CSMD1: variants seen among roughly 807,000 people sequenced by gnomAD.
CSMD1 encodes the protein CUB and sushi domain-containing protein 1.
CSMD1 carries 213 observed loss-of-function variants against 417.5 expected under a neutral mutation model. That is an observed-to-expected ratio of 0.51 (90% CI 0.46 to 0.57). CSMD1 has a LOEUF of 0.57. Among genes scored for constraint, CSMD1 ranks in the 20% least tolerant of loss-of-function variants. CSMD1 has a pLI of 0.00. For missense variants in CSMD1, 6,923 were observed against 4,529.7 expected (o/e 1.53, Z -15.17); for synonymous variants, 2,862 against 1,736.8 (o/e 1.65, Z -16.11).
intron 2 of CSMD1, among the ~76,000 whole-genome samples, chr8:4,461,168 A>AC (rs397807139): frequency 3.3e-5 from 5 of 150,974 alleles, no homozygotes; most frequent in South Asian, 2.1e-4. Context: ...CTTACCAGAT[A>AC]AAAAGTGACA....
chr8:4,571,829 T>C (rs1056234433), intron 2 of CSMD1, among the ~76,000 whole-genome samples: 1 of 152,210 alleles, frequency 6.6e-6, no homozygotes, highest in Non-Finnish European at 1.5e-5. Context: ...GGTGCATATA[T>C]ATTTAGGATT....
intron 1 of CSMD1, among the ~76,000 whole-genome samples, chr8:4,684,989 G>C (rs191980327): frequency 6.6e-6 from 1 of 152,090 alleles, no homozygotes; most frequent in Non-Finnish European, 1.5e-5. Flanking sequence ...AAGAAAAAAA[G>C]TGACACTAAC....
intron 1 of CSMD1, among the ~76,000 whole-genome samples, chr8:4,881,320 T>C (rs1022003573): frequency 1.3e-5 from 2 of 152,068 alleles, no homozygotes; most frequent in Non-Finnish European, 2.9e-5. Flanking sequence ...TTTTTTTATT[T>C]GAATACATAA....
At chr8:4,963,527 T>C (rs1809657930) in intron 1 of CSMD1, among the ~76,000 whole-genome samples, 2 of 152,160 alleles carry the variant, frequency 1.3e-5, no homozygotes, top group African/African-American at 4.8e-5. Flanking sequence ...CTCCTAGAAA[T>C]AGATTTACCT....
At chr8:3,443,389 A>G (rs1815113016) in intron 12 of CSMD1, among the ~76,000 whole-genome samples, 2 of 152,322 alleles carry the variant, frequency 1.3e-5, no homozygotes, top group Admixed American at 6.5e-5. Flanking sequence ...TCCAGAATTC[A>G]TTAGATAGAA....
chr8:4,585,816 C>T (rs1799671992), intron 2 of CSMD1, among the ~76,000 whole-genome samples: 2 of 152,096 alleles, frequency 1.3e-5, no homozygotes, highest in South Asian at 4.1e-4. Flanking sequence ...TGAGTAAATA[C>T]TCTTTAGTCC....
intron 2 of CSMD1, among the ~76,000 whole-genome samples, chr8:4,607,209 G>C (rs1191928668): frequency 6.6e-6 from 1 of 151,982 alleles, no homozygotes; most frequent in African/African-American, 2.4e-5. Context: ...GAGTGGGAGA[G>C]GTAGACAATG....
At chr8:4,791,143 G>C (rs1265002397) in intron 1 of CSMD1, among the ~76,000 whole-genome samples, 1 of 151,482 alleles carries the variant, frequency 6.6e-6, no homozygotes, top group Admixed American at 6.6e-5. Context: ...TTTTAAGTGA[G>C]ACAAGAAACA....
intron 2 of CSMD1, among the ~76,000 whole-genome samples, chr8:4,437,180 A>C (rs1427522920): frequency 6.6e-6 from 1 of 152,208 alleles, no homozygotes; most frequent in African/African-American, 2.4e-5. Context: ...ACAAAGCAAA[A>C]CTTTGTTGTC....
intron 1 of CSMD1, among the ~76,000 whole-genome samples, chr8:4,813,038 C>T (rs1486480832): frequency 1.3e-5 from 2 of 152,178 alleles, no homozygotes; most frequent in East Asian, 1.9e-4. Flanking sequence ...AGAAACAAAA[C>T]ACAAACCCAT....
At chr8:3,242,022 A>G (rs1799564852) in intron 26 of CSMD1, among the ~76,000 whole-genome samples, 2 of 75,812 alleles carry the variant, frequency 2.6e-5, no homozygotes, top group African/African-American at 4.0e-5. Flanking sequence ...GTTTGCTGCC[A>G]AACGAGCCAT....
chr8:3,210,186 T>G (rs189269290), intron 30 of CSMD1, among the ~76,000 whole-genome samples: 1 of 152,288 alleles, frequency 6.6e-6, no homozygotes, highest in Non-Finnish European at 1.5e-5. Context: ...TGCACAAATG[T>G]GCTGCTCTCC....
chr8:4,001,098 T>G (rs1396844794), intron 4 of CSMD1, among the ~76,000 whole-genome samples: 1 of 151,946 alleles, frequency 6.6e-6, no homozygotes, highest in Admixed American at 6.6e-5. Context: ...ATTTTTGTCA[T>G]GGCAGTCGAT....
chr8:3,640,331 G>A (rs1037195607), intron 7 of CSMD1, among the ~76,000 whole-genome samples: 12 of 152,130 alleles, frequency 7.9e-5, no homozygotes, highest in African/African-American at 2.9e-4. Context: ...GATTTTATGA[G>A]ATAATTAAAT....
chr8:4,883,924 G>C (rs753450328), intron 1 of CSMD1, among the ~76,000 whole-genome samples: 3 of 151,996 alleles, frequency 2.0e-5, no homozygotes, highest in Non-Finnish European at 4.4e-5. Context: ...TTTCCAAAGA[G>C]ATTGCAATAT....
intron 8 of CSMD1, among the ~76,000 whole-genome samples, chr8:3,603,990 A>G (rs1310281906): frequency 6.6e-6 from 1 of 152,226 alleles, no homozygotes; most frequent in Admixed American, 6.5e-5. Flanking sequence ...AATTTTGCAT[A>G]CTGAATCAAT....
At chr8:4,305,858 T>C (rs1446312030) in intron 3 of CSMD1, among the ~76,000 whole-genome samples, 4 of 152,158 alleles carry the variant, frequency 2.6e-5, no homozygotes, top group Non-Finnish European at 5.9e-5. Context: ...TGGATCCCCT[T>C]CCAGTCTTTG....
intron 3 of CSMD1, among the ~76,000 whole-genome samples, chr8:4,183,342 T>C (rs1050595858): frequency 6.6e-6 from 1 of 152,186 alleles, no homozygotes; most frequent in Admixed American, 6.5e-5. Context: ...TGTCTGATGA[T>C]TACCACTGAA....
intron 3 of CSMD1, among the ~76,000 whole-genome samples, chr8:4,267,788 T>C (rs1804313111): frequency 6.6e-6 from 1 of 152,126 alleles, no homozygotes; most frequent in Non-Finnish European, 1.5e-5. Context: ...TATTGAACAA[T>C]GGTATGAAAA....
Sources: allele counts gnomAD v4.1 joint callset (sites outside exome capture counted in the v4.1 genomes callset), GRCh38; gene constraint gnomAD v4.1.1; transcripts MANE v1.5; gene names NCBI Gene and HGNC (gene_info 2026-07-23, HGNC 2026-07-21).